Variants in TIE1 observed in about 807,000 individuals in gnomAD.
TIE1 encodes tyrosine-protein kinase receptor Tie-1.
In TIE1, 89 loss-of-function variants were observed where a neutral mutation model predicts 130.5. The ratio of observed to expected loss-of-function variants is 0.68; its 90% CI spans 0.57 to 0.81. The LOEUF is 0.81. Ranked by LOEUF, TIE1 falls within the 40% of genes least tolerant of loss-of-function variation. TIE1 has a pLI of 0.00. For missense variants in TIE1, 1,392 were observed against 1,559.8 expected, an observed-to-expected ratio of 0.89 and a Z score of 1.81; for synonymous variants, 568 against 629.4, an observed-to-expected ratio of 0.90 and a Z score of 1.46.
At chr1:43,314,205 A>G (rs558822594) in intron 14 of TIE1, 9 of 704,562 alleles carry the variant, frequency 1.3e-5, no homozygotes, top group South Asian at 1.9e-5. Flanking sequence ...TAATATTCCC[A>G]TTTCAAAAGA....
chr1:43,315,610 C>T lies in TIE1; in HGVS notation c.2410-1589C>T, dbSNP rs556282516. ...CAGAGGTTGCAGTGAGCCAATATCA[C>T]GCCACTGCACTCCAGCCTGGATGAC... On this transcript the variant is annotated intron_variant, in intron 14 of 22. Transcript: ENST00000372476. This position sits in a 1 kb window ranked among gnomAD's most constrained non-coding sequence, Gnocchi z 4.4. Among the ~76,000 whole-genome samples the T allele has an allele frequency of 3.9e-5, 6 of 152,010 alleles. No homozygotes were observed. Among genetic ancestry groups the T allele is most frequent in the African/African-American group, 4.8e-5 (2 of 41,474 alleles).
At position 43,309,634 on chromosome 1, in the gene TIE1, T is replaced by C. The variant is rs1241566669; in HGVS notation, c.1333+102T>C. The stretch of plus-strand genomic sequence containing the variant: ...TACTAGCAGGAAGGACAAGGACATC[T>C]AAGGTCATAGCCTAGCACCAGACAA... On this transcript the variant is annotated intron_variant, in intron 9 of 22. Coordinates refer to ENST00000372476, the MANE Select transcript of TIE1 (RefSeq NM_005424.5). This position sits in a 1 kb window ranked among gnomAD's most constrained non-coding sequence, Gnocchi z 6.3. The C allele has an allele frequency of 3.5e-6, 5 of 1,425,250 alleles. No homozygotes were observed. The East Asian group carries it at 1.0e-4, about 29-fold the overall frequency. 88.3% of individuals were successfully genotyped at this position (1,425,250 alleles called of 1,614,324 possible).
rs1646792934 is a variant in TIE1 at position 43,311,680 on chromosome 1, T to G, written c.1343T>G (p.Val448Gly). 1.2e-6 allele frequency: 2 copies of G among 1,612,800 alleles called. No homozygotes were observed. Among genetic ancestry groups the G allele is most frequent in the African/African-American group, 2.7e-5 (2 of 74,894 alleles). ...RFKVNVKVPPVPLAAPRLLTK... is the reference protein window; with the variant it reads ...RFKVNVKVPPGPLAAPRLLTK... Reference sequence around the variant, plus strand: ...CTGAGTCTCCTGGCAGTGCCCCCCGTGCCCCTGGCTGCACCTCGGCTCCTG... The same window carrying G: ...CTGAGTCTCCTGGCAGTGCCCCCCGGGCCCCTGGCTGCACCTCGGCTCCTG... The change falls in exon 10 of 23, where the codon GTG becomes GGG. Residue 448 changes from valine (V) to glycine (G), a missense_variant. By Grantham distance (109) the Val-to-Gly change is moderately radical. Around this residue, in one of 6 missense-constraint regions of TIE1, gnomAD observed 551 missense variants for 565.5 expected, o/e 0.97. Transcript: ENST00000372476.
In TIE1 at chr1:43,314,752, C is replaced by T. The variant is rs187923877; in HGVS notation, c.2409+784C>T. On this transcript the variant is annotated intron_variant, in intron 14 of 22. Coordinates refer to ENST00000372476, the MANE Select transcript of TIE1 (RefSeq NM_005424.5). Reference sequence around the variant, plus strand: ...CTGAGGCAGGAGAATTGCTTAAACCCGGGAGGCGGAGGTTGCAGTGAGCCG... The same window carrying T: ...CTGAGGCAGGAGAATTGCTTAAACCTGGGAGGCGGAGGTTGCAGTGAGCCG... Among the ~76,000 whole-genome samples, 323 of 152,122 alleles carry T rather than the reference C, an allele frequency of 2.1e-3. 3 individuals are homozygous for T. The highest frequency in any genetic ancestry group is 8.9e-3 in the Admixed American group (136 of 15,274).
At position 43,306,421 on chromosome 1, in the gene TIE1, C is replaced by T. The variant is rs1208409372; in HGVS notation, c.485-419C>T. ...GAGCTGGATTTTTGTCCTGAGGTCA[C>T]TGGAGAACCAGGAGAGTTTCAGCAG... On this transcript the variant is annotated intron_variant, in intron 3 of 22. Coordinates refer to ENST00000372476, the MANE Select transcript of TIE1 (RefSeq NM_005424.5). This position sits in a 1 kb window ranked among gnomAD's most constrained non-coding sequence, Gnocchi z 4.9. 6.6e-6 allele frequency among the ~76,000 whole-genome samples: 1 copy of T among 152,126 alleles called. No homozygotes were observed. The highest frequency in any genetic ancestry group is 2.4e-5 in the African/African-American group (1 of 41,418).
Position 43,311,782 on chromosome 1 carries a change from T to A in TIE1, c.1445T>A (p.Leu482Gln), listed in dbSNP as rs1379937330. Reference protein sequence around the residue: ...SGDGPISTVRLHYRPQDSTMD... With the variant: ...SGDGPISTVRQHYRPQDSTMD... ...GATGGACCCATCTCCACTGTCCGCC[T>A]GCACTACCGGCCCCAGGACAGTACC... The change falls in exon 10 of 23, where the codon CTG becomes CAG. Residue 482 changes from leucine (L) to glutamine (Q), a missense_variant. Transcript: ENST00000372476. 8.1e-6 allele frequency: 13 copies of A among 1,614,080 alleles called. No homozygotes were observed. The highest frequency in any genetic ancestry group is 1.0e-5 in the Non-Finnish European group (12 of 1,179,980).
Position 43,318,501 on chromosome 1 carries a change from A to C in TIE1, c.2922+429A>C, listed in dbSNP as rs1646883249. ...GGGGAGTGTGAGTCTGAGGGAAGGC[A>C]TTTTATCTTTTTTTTTTTTTGAGAC... On this transcript the variant is annotated intron_variant, in intron 17 of 22. Coordinates refer to ENST00000372476, the MANE Select transcript of TIE1 (RefSeq NM_005424.5). This position sits in a 1 kb window ranked among gnomAD's most constrained non-coding sequence, Gnocchi z 4.4. Among the ~76,000 whole-genome samples the C allele has an allele frequency of 6.6e-6, 1 of 150,376 alleles. No individual in the cohort carries two copies. The highest frequency in any genetic ancestry group is 1.5e-5 in the Non-Finnish European group (1 of 67,636).
chr1:43,313,063 C>T lies in TIE1; in HGVS notation c.1928-72C>T. 2.7e-6 allele frequency: 4 copies of T among 1,497,128 alleles called. No individual in the cohort carries two copies. Among genetic ancestry groups the T allele is most frequent in the Non-Finnish European group, 3.6e-6 (4 of 1,109,210 alleles). 92.7% of individuals were successfully genotyped at this position (1,497,128 alleles called of 1,614,324 possible). On this transcript the variant is annotated intron_variant, in intron 12 of 22. Coordinates refer to ENST00000372476, the MANE Select transcript of TIE1 (RefSeq NM_005424.5). This position sits in a 1 kb window ranked among gnomAD's most constrained non-coding sequence, Gnocchi z 6.2. ...CACAGAGGAGGGAGCACAGCTAGAG[C>T]AGATGTGTCCAGCCCCACAGCTACA...
chr1:43,308,799 G>A (rs1236912184), intron 7 of TIE1, 187 bp from the exon 8 acceptor site: 10 of 757,840 alleles, frequency 1.3e-5, no homozygotes, highest in South Asian at 7.4e-5. Context: ...TGGTTAGGAA[G>A]TAGACTTTGC....
Position 43,322,629 on chromosome 1 carries a change from C to A in TIE1, c.3346-22C>A, listed in dbSNP as rs1408201299. On this transcript the variant is annotated intron_variant, in intron 22 of 22. Transcript: ENST00000372476. The surrounding 1 kb of genome is among the most constrained non-coding windows in gnomAD (Gnocchi z 4.0). ...GATGCACCCCCATTCCTGGCCCCCA[C>A]TAAAGCTTGCTCTGCCCCCAGGCCT... 5 of 1,613,140 alleles carry A rather than the reference C, an allele frequency of 3.1e-6. No homozygotes were observed. The highest frequency in any genetic ancestry group is 4.2e-6 in the Non-Finnish European group (5 of 1,179,258).
chr1:43,306,845 T>A lies in TIE1; in HGVS notation c.490T>A (p.Tyr164Asn). The stretch of plus-strand genomic sequence containing the variant: ...GACACATTCATGTCCCCCAGGATCC[T>A]ACTTCTACACCCTGGACTGGCATGA... ...TDVIWKSNGS[Y>N]FYTLDWHEAQ... Residue 164 changes from tyrosine to asparagine, a missense_variant, in exon 4 of 23, where the codon TAC becomes AAC. Transcript: ENST00000372476. The surrounding 1 kb of genome is among the most constrained non-coding windows in gnomAD (Gnocchi z 4.9). The A allele has an allele frequency of 6.2e-7, 1 of 1,610,566 alleles. No homozygotes were observed. The highest frequency in any genetic ancestry group is 8.5e-7 in the Non-Finnish European group (1 of 1,178,216).
At chr1:43,303,111 G>A (rs1264328094) in intron 1 of TIE1, among the ~76,000 whole-genome samples, 1 of 152,120 alleles carries the variant, frequency 6.6e-6, no homozygotes, top group Non-Finnish European at 1.5e-5. Context: ...TCAGTAAAGT[G>A]CCTGGTGCAT....
Position 43,317,887 on chromosome 1 carries a change from T to C in TIE1, c.2737T>C (p.Leu913=). The change falls in exon 17 of 23, where the codon TTG becomes CTG. Residue 913 remains leucine (L), a synonymous_variant. Transcript: ENST00000372476. This position sits in a 1 kb window ranked among gnomAD's most constrained non-coding sequence, Gnocchi z 5.1. ...LLGACKNRGY[L]YIAIEYAPYG... is the part of the protein sequence containing the mutation. ...TCTGTCTCTTTGCCTCTCAGGTTAC[T>C]TGTATATCGCTATTGAATATGCCCC... 2 of 1,614,088 alleles carry C rather than the reference T, an allele frequency of 1.2e-6. No individual in the cohort carries two copies. Among genetic ancestry groups the C allele is most frequent in the Non-Finnish European group, 8.5e-7 (1 of 1,179,940 alleles).
Position 43,313,631 on chromosome 1 carries a change from C to CCT in TIE1, c.2219-145_2219-144dup, listed in dbSNP as rs1459307390. 9.5e-7 allele frequency: 1 copy of CCT among 1,048,346 alleles called. No individual in the cohort carries two copies. The highest frequency in any genetic ancestry group is 2.6e-5 in the East Asian group (1 of 38,364). 64.9% of individuals were successfully genotyped at this position (1,048,346 alleles called of 1,614,324 possible). On this transcript the variant is annotated intron_variant, in intron 13 of 22. Transcript: ENST00000372476. This position sits in a 1 kb window ranked among gnomAD's most constrained non-coding sequence, Gnocchi z 6.2. ...AAAATCATGTCGCCCCTCTGACACC[C>CCT]CTCATCCCTTCCTTCATGTGGCCCA...
Position 43,322,667 on chromosome 1 carries a change from C to T in TIE1, c.3362C>T (p.Ser1121Leu), listed in dbSNP as rs2153913277. 1.9e-6 allele frequency: 3 copies of T among 1,614,112 alleles called. No individual in the cohort carries two copies. Among genetic ancestry groups the T allele is most frequent in the East Asian group, 2.2e-5 (1 of 44,886 alleles). The change falls in exon 23 of 23, where the codon TCG becomes TTG. Residue 1121 changes from serine to leucine, a missense_variant. Physicochemically the swap from Ser to Leu is moderately radical, Grantham distance 145 (BLOSUM62 -2). This residue lies in a region of TIE1 where 104 missense variants were observed against 129.3 expected (regional missense o/e 0.80). Transcript: ENST00000372476. The surrounding 1 kb of genome is among the most constrained non-coding windows in gnomAD (Gnocchi z 4.0). ...LEARKAYVNMSLFENFTYAGI... is the reference protein window; with the variant it reads ...LEARKAYVNMLLFENFTYAGI... The stretch of plus-strand genomic sequence containing the variant: ...TGCCCCCAGGCCTATGTGAACATGT[C>T]GCTGTTTGAGAACTTCACTTACGCG...
At position 43,305,261 on chromosome 1, in the gene TIE1, C is replaced by T. The variant is rs750026945; in HGVS notation, c.402C>T (p.His134=). The change falls in exon 3 of 23, where the codon CAC becomes CAT. Residue 134 remains histidine (H), a synonymous_variant. Coordinates refer to ENST00000372476, the MANE Select transcript of TIE1 (RefSeq NM_005424.5). ...GAHLLPDKVT[H]TVNKGDTAVL... The stretch of plus-strand genomic sequence containing the variant: ...ACCTGCTTCCAGACAAGGTCACACA[C>T]ACTGTGAACAAAGGTGACACCGCTG... 6.2e-6 allele frequency: 10 copies of T among 1,613,718 alleles called. No homozygotes were observed. The highest frequency in any genetic ancestry group is 5.1e-6 in the Non-Finnish European group (6 of 1,179,714).
Position 43,319,287 on chromosome 1 carries a change from C to A in TIE1, c.2975C>A (p.Ala992Asp). 2 of 1,614,032 alleles carry A rather than the reference C, an allele frequency of 1.2e-6. No homozygotes were observed. Among genetic ancestry groups the A allele is most frequent in the Non-Finnish European group, 1.7e-6 (2 of 1,179,958 alleles). Residue 992 changes from alanine (A) to aspartate (D), a missense_variant, in exon 18 of 23, where the codon GCC (alanine) becomes GAC (aspartate). Physicochemically the swap from Ala to Asp is moderately radical, Grantham distance 126. This residue lies in a region of TIE1 where 286 missense variants were observed against 354.4 expected (regional missense o/e 0.81). Coordinates refer to ENST00000372476, the MANE Select transcript of TIE1 (RefSeq NM_005424.5). This position sits in a 1 kb window ranked among gnomAD's most constrained non-coding sequence, Gnocchi z 4.7. ...ARNVLVGENLASKIADFGLSR... is the reference protein window; with the variant it reads ...ARNVLVGENLDSKIADFGLSR... ...AATGTGCTGGTCGGAGAGAACCTAG[C>A]CTCCAAGATTGCAGACTTCGGCCTT...
chr1:43,307,968 C>T lies in TIE1; in HGVS notation c.1042+44C>T, dbSNP rs1437254964. On this transcript the variant is annotated intron_variant, in intron 7 of 22. Coordinates refer to ENST00000372476, the MANE Select transcript of TIE1 (RefSeq NM_005424.5). The surrounding 1 kb of genome is among the most constrained non-coding windows in gnomAD (Gnocchi z 5.4). ...CTGAGAGCCCCCCAAGATAAGTCGG[C>T]CTTTACCAAACACATCTCCCCGGTG... 6.2e-6 allele frequency: 10 copies of T among 1,606,956 alleles called. No individual in the cohort carries two copies. In the African/African-American group the frequency reaches 1.3e-4, roughly 21 times the overall value.
chr1:43,321,810 C>T lies in TIE1; in HGVS notation c.3345+95C>T, dbSNP rs145903724. ...CATGACCCCTGTCCCAACCACACTG[C>T]CTGCCCAACCTCCCTCAGTGGGGGC... is the stretch of plus-strand genomic sequence containing the variant. On this transcript the variant is annotated intron_variant, in intron 22 of 22. Transcript: ENST00000372476. 232 of 1,168,290 alleles carry T rather than the reference C, an allele frequency of 2.0e-4. 1 individual carries two copies. The African/African-American group carries it at 3.3e-3, about 16-fold the overall frequency. The allele number at this position is 1,168,290 out of a possible 1,614,324, so 72.4% of individuals were successfully genotyped here.
Sources: allele counts gnomAD v4.1 joint callset (sites outside exome capture counted in the v4.1 genomes callset), GRCh38; gene constraint gnomAD v4.1.1; regional missense constraint gnomAD v4.1.1; non-coding constraint Gnocchi (gnomAD v3.1); transcripts MANE v1.5; gene names NCBI Gene and HGNC (gene_info 2026-07-23, HGNC 2026-07-21).